The following ERO1B variants were observed in gnomAD, a reference collection of about 807,000 sequenced individuals.
The protein encoded by ERO1B is ERO1-like protein beta.
A neutral mutation model predicts 75.3 loss-of-function variants in ERO1B; 49 were observed. That is an observed-to-expected ratio of 0.65 (90% CI 0.52 to 0.83). The LOEUF is 0.83. Ranked by LOEUF, ERO1B falls within the 40% of genes least tolerant of loss-of-function variation. ERO1B has a pLI of 0.00. For missense variants in ERO1B, 512 were observed against 560.1 expected (o/e 0.91, Z 0.87); for synonymous variants, 191 against 192.9 (o/e 0.99, Z 0.08).
At chr1:236,235,470 A>G (rs1361801843) in intron 8 of ERO1B, among the ~76,000 whole-genome samples, 1 of 152,222 alleles carries the variant, frequency 6.6e-6, no homozygotes, top group African/African-American at 2.4e-5. Flanking sequence ...AATATAGCGT[A>G]GGGCCTGAGC....
intron 4 of ERO1B, among the ~76,000 whole-genome samples, chr1:236,250,617 A>ATATC: frequency 1.8e-5 from 1 of 54,316 alleles, no homozygotes; most frequent in African/African-American, 6.2e-5. Flanking sequence ...ATATATATAT[A>ATATC]TCAAACGTGT....
rs564356073 is a variant in ERO1B, at chr1:236,260,678, A to C, written c.223-7173T>G. On this transcript the variant is annotated intron_variant, in intron 2 of 15. Transcript: ENST00000354619. ...AGAGTTGGTCTCAAAAAAAAAAAAA[A>C]AGACAGACAGACCAGGACCTCATGG... Among the ~76,000 whole-genome samples the C allele has an allele frequency of 4.6e-3, 692 of 151,952 alleles. 7 individuals carry two copies. The highest frequency in any genetic ancestry group is 0.016 in the African/African-American group (645 of 41,466).
Position 236,253,461 on chromosome 1 carries a change from G to C in ERO1B, c.267C>G (p.His89Gln), listed in dbSNP as rs781759851. ...CCACATGACAGTCTTTTATTGAACAGTGGCCATCTTCTGCCCAGAAAGGAC... is the reference window on the plus strand; with the variant it reads ...CCACATGACAGTCTTTTATTGAACACTGGCCATCTTCTGCCCAGAAAGGAC... ...RPCPFWAEDG[H>Q]CSIKDCHVEP... Residue 89 changes from histidine (H) to glutamine (Q), a missense_variant, in exon 3 of 16, where the codon CAC becomes CAG. Physicochemically the swap from His to Gln is conservative, Grantham distance 24. Coordinates refer to ENST00000354619, the MANE Select transcript of ERO1B (RefSeq NM_019891.4). 3.1e-5 allele frequency: 50 copies of C among 1,611,132 alleles called. No homozygotes were observed. The East Asian group carries it at 1.1e-3, about 36-fold the overall frequency.
At chr1:236,226,781 A>G in intron 10 of ERO1B, 42 bp from the exon 11 acceptor site, 1 of 1,448,184 alleles carries the variant, frequency 6.9e-7, no homozygotes, top group Non-Finnish European at 9.5e-7. Context: ...ACCTATTTAG[A>G]TATCAGAAAT....
chr1:236,234,539 G>A (rs987680795), intron 8 of ERO1B, among the ~76,000 whole-genome samples: 2 of 152,150 alleles, frequency 1.3e-5, no homozygotes, highest in African/African-American at 4.8e-5. Context: ...GAAAAGTTGT[G>A]AGGCAAAAGT....
Position 236,226,532 on chromosome 1 carries a change from A to C in ERO1B, c.806-17T>G. The C allele has an allele frequency of 6.2e-7, 1 of 1,604,284 alleles. No individual in the cohort carries two copies. Among genetic ancestry groups the C allele is most frequent in the Non-Finnish European group, 8.5e-7 (1 of 1,177,588 alleles). On this transcript the variant is annotated splice_polypyrimidine_tract_variant and intron_variant, in intron 11 of 15. Coordinates refer to ENST00000354619, the MANE Select transcript of ERO1B (RefSeq NM_019891.4). ...CCCAGGTTTCTAAAGAGAAAGAGAAATACATTACATTGTTTTAGTAAACAG... is the reference window on the plus strand; with the variant it reads ...CCCAGGTTTCTAAAGAGAAAGAGAACTACATTACATTGTTTTAGTAAACAG...
chr1:236,226,795 G>T (rs1054566932), intron 10 of ERO1B, 56 bp from the exon 11 acceptor site: 26 of 1,341,178 alleles, frequency 1.9e-5, no homozygotes, highest in Non-Finnish European at 2.6e-5. Flanking sequence ...CAGAAATATT[G>T]ACTCAAGGAG....
intron 8 of ERO1B, among the ~76,000 whole-genome samples, chr1:236,233,989 A>G (rs1226466775): frequency 6.6e-6 from 1 of 152,186 alleles, no homozygotes. Flanking sequence ...AAAAGTTCCT[A>G]TTGCTCAAAA....
rs758544816 is a variant in ERO1B at position 236,251,999 on chromosome 1, G to T, written c.348+51C>A. On this transcript the variant is annotated intron_variant, in intron 4 of 15. Coordinates refer to ENST00000354619, the MANE Select transcript of ERO1B (RefSeq NM_019891.4). ...TACAGCCACTGTCAGTCAGTAAATG[G>T]TAAGTTTCACAATGTAAAGCAGAAA... The T allele has an allele frequency of 8.4e-6, 11 of 1,306,624 alleles. No individual in the cohort carries two copies. In the Admixed American group the frequency reaches 1.1e-4, roughly 12 times the overall value. The allele number at this position is 1,306,624 out of a possible 1,614,324, so 80.9% of individuals were successfully genotyped here.
chr1:236,269,814 G>A (rs1046136801), intron 2 of ERO1B, 61 bp downstream of exon 2: 16 of 1,353,160 alleles, frequency 1.2e-5, no homozygotes, highest in African/African-American at 3.2e-5. Context: ...GCTTTCAAAA[G>A]GATCATAAAG....
chr1:236,245,337 T>C (rs1664825656), intron 5 of ERO1B, among the ~76,000 whole-genome samples: 1 of 31,814 alleles, frequency 3.1e-5, no homozygotes, highest in African/African-American at 5.8e-5. Context: ...CACGTATATA[T>C]ATACGTATAT....
rs146464001 is a variant in ERO1B, at chr1:236,262,142, C to T, written c.222+7733G>A. Among the ~76,000 whole-genome samples the T allele has an allele frequency of 1.3e-3, 193 of 152,242 alleles. 1 individual carries two copies. Among genetic ancestry groups the T allele is most frequent in the African/African-American group, 4.4e-3 (181 of 41,548 alleles). On this transcript the variant is annotated intron_variant, in intron 2 of 15. Coordinates refer to ENST00000354619, the MANE Select transcript of ERO1B (RefSeq NM_019891.4). ...ACTGGCATAAAAATAGACACATCAA[C>T]CAATGGAACAAGTTAGGAAGCCCAG...
chr1:236,241,184 T>C (rs549926494), intron 6 of ERO1B, among the ~76,000 whole-genome samples: 1 of 152,280 alleles, frequency 6.6e-6, no homozygotes, highest in Non-Finnish European at 1.5e-5. Context: ...TTTGTTTTAA[T>C]CCACTGAATT....
intron 14 of ERO1B, 114 bp downstream of exon 14, chr1:236,221,810 C>G: frequency 1.3e-6 from 1 of 768,846 alleles, no homozygotes; most frequent in South Asian, 1.7e-5. Flanking sequence ...CTTGGATCTG[C>G]CTATTCCTAA....
intron 6 of ERO1B, among the ~76,000 whole-genome samples, chr1:236,241,520 G>A (rs1664701250): frequency 6.6e-6 from 1 of 151,594 alleles, no homozygotes; most frequent in Admixed American, 6.6e-5. Flanking sequence ...TCCAGCCTGG[G>A]CAACAGAGTG....
At position 236,239,789 on chromosome 1, in the gene ERO1B, G is replaced by GTATA. The variant is rs67985500; in HGVS notation, c.506-3395_506-3392dup. On this transcript the variant is annotated intron_variant, in intron 6 of 15. Transcript: ENST00000354619. ...ACTAGTGTTATTTCCTCCTCTTCAA[G>GTATA]TATATATATATATATATGTGTGTAT... Among the ~76,000 whole-genome samples the GTATA allele has an allele frequency of 4.8e-3, 472 of 97,564 alleles. 2 individuals carry two copies. Among genetic ancestry groups the GTATA allele is most frequent in the East Asian group, 0.013 (46 of 3,646 alleles). 64.0% of individuals were successfully genotyped at this position (97,564 alleles called of 152,430 possible).
intron 2 of ERO1B, among the ~76,000 whole-genome samples, chr1:236,265,359 A>G (rs561866863): frequency 6.6e-6 from 1 of 152,156 alleles, no homozygotes; most frequent in Non-Finnish European, 1.5e-5. Context: ...AATAAAATCT[A>G]TTTGGTCATG....
Position 236,235,845 on chromosome 1 carries a change from A to C in ERO1B, c.627-10T>G, listed in dbSNP as rs774187767. 29 of 1,611,034 alleles carry C rather than the reference A, an allele frequency of 1.8e-5. No homozygotes were observed. The highest frequency in any genetic ancestry group is 2.7e-5 in the African/African-American group (2 of 74,766). On this transcript the variant is annotated splice_polypyrimidine_tract_variant and intron_variant, in intron 7 of 15. Transcript: ENST00000354619. ...ATAAACAGATCGAGGCCTGAAAAAGAAAGCATAATACCCAAACATAGAATG... is the reference window on the plus strand; with the variant it reads ...ATAAACAGATCGAGGCCTGAAAAAGCAAGCATAATACCCAAACATAGAATG...
At chr1:236,278,137 T>G (rs1665749513) in intron 1 of ERO1B, among the ~76,000 whole-genome samples, 1 of 152,124 alleles carries the variant, frequency 6.6e-6, no homozygotes, top group Admixed American at 6.5e-5. Context: ...AATAAATTCC[T>G]CCAGAGGTGA....
Sources: gnomAD v4.1 joint callset for allele counts (sites outside exome capture counted in the v4.1 genomes callset) on GRCh38, gnomAD v4.1.1 for gene constraint, MANE v1.5 for transcripts, NCBI Gene and HGNC (gene_info 2026-07-23, HGNC 2026-07-21) for gene names.